Variants in CDH18 observed in about 807,000 individuals in gnomAD.
CDH18 encodes cadherin-18.
A neutral mutation model predicts 67.9 loss-of-function variants in CDH18; 31 were observed. The ratio of observed to expected loss-of-function variants is 0.46; its 90% confidence interval spans 0.34 to 0.62. The LOEUF (loss-of-function observed/expected upper bound fraction) is 0.62, where lower values mean the gene tolerates loss of function less well. CDH18 is among the 20% of genes least tolerant of loss of function. The pLI is 0.01. For synonymous variants in CDH18, 362 were observed against 347.2 expected, an observed-to-expected ratio of 1.04 and a Z score of -0.48; for missense variants, 890 against 975.5, an observed-to-expected ratio of 0.91 and a Z score of 1.17.
At chr5:19,968,525 C>T (rs1357053742) in intron 2 of CDH18, among the ~76,000 whole-genome samples, 3 of 151,636 alleles carry the variant, frequency 2.0e-5, no homozygotes, top group Admixed American at 6.6e-5. Flanking sequence ...ACAGAGCCCT[C>T]AGAAATAACG....
intron 3 of CDH18, among the ~76,000 whole-genome samples, chr5:19,784,708 T>A (rs1198404959): frequency 6.6e-6 from 1 of 152,176 alleles, no homozygotes; most frequent in Admixed American, 6.5e-5. Flanking sequence ...TAATCTTACT[T>A]CATTTTTTAG....
chr5:19,872,834 A>G (rs1415702646), intron 2 of CDH18, among the ~76,000 whole-genome samples: 1 of 152,216 alleles, frequency 6.6e-6, no homozygotes, highest in Non-Finnish European at 1.5e-5. Context: ...TCCCTCAAGT[A>G]TACAAGCCTA....
intron 1 of CDH18, chr5:20,305,209 C>A: frequency 7.2e-7 from 1 of 1,387,954 alleles, no homozygotes; most frequent in Non-Finnish European, 1.0e-6. Flanking sequence ...CAAAGGCTTC[C>A]CTCCAGCACC....
intron 2 of CDH18, among the ~76,000 whole-genome samples, chr5:20,147,049 T>A (rs1750702543): frequency 6.6e-6 from 1 of 152,146 alleles, no homozygotes; most frequent in Admixed American, 6.6e-5. Flanking sequence ...GTGGAGTTTG[T>A]AATAAAGTTG....
chr5:20,183,172 T>G (rs1164974299), intron 2 of CDH18, among the ~76,000 whole-genome samples: 2 of 151,440 alleles, frequency 1.3e-5, no homozygotes, highest in Non-Finnish European at 2.9e-5. Context: ...GTGTCTAGCA[T>G]AGAGCTAATT....
At chr5:19,621,808 T>C (rs1208923232) in intron 5 of CDH18, among the ~76,000 whole-genome samples, 2 of 152,156 alleles carry the variant, frequency 1.3e-5, no homozygotes, top group Non-Finnish European at 2.9e-5. Flanking sequence ...GTTTAAAAGG[T>C]AGTTCTCATT....
intron 5 of CDH18, among the ~76,000 whole-genome samples, chr5:19,689,666 A>G (rs1761587796): frequency 6.6e-6 from 1 of 151,908 alleles, no homozygotes; most frequent in Admixed American, 6.6e-5. Context: ...CAAAAAAACC[A>G]CCAAACCAAA....
At chr5:20,005,303 A>G (rs1266749568) in intron 2 of CDH18, among the ~76,000 whole-genome samples, 1 of 152,080 alleles carries the variant, frequency 6.6e-6, no homozygotes, top group Non-Finnish European at 1.5e-5. Flanking sequence ...CATTTACTGC[A>G]TAACTTGCCA....
At chr5:19,921,597 A>G (rs1386350180) in intron 2 of CDH18, among the ~76,000 whole-genome samples, 1 of 152,086 alleles carries the variant, frequency 6.6e-6, no homozygotes, top group Non-Finnish European at 1.5e-5. Flanking sequence ...ATCAAAGTCA[A>G]TTGTTAATTA....
chr5:20,262,294 A>C (rs1012209808), intron 1 of CDH18, among the ~76,000 whole-genome samples: 4 of 152,232 alleles, frequency 2.6e-5, no homozygotes, highest in Non-Finnish European at 4.4e-5. Context: ...ACAATAATTT[A>C]GTAGCCCTGG....
Position 20,144,750 on chromosome 5 carries a change from G to A in CDH18, c.-518+110694C>T, listed in dbSNP as rs1750509397. Among the ~76,000 whole-genome samples, 4 of 152,092 alleles carry A rather than the reference G, an allele frequency of 2.6e-5. No homozygotes were observed. In the South Asian group the frequency reaches 8.3e-4, roughly 31 times the overall value. The stretch of plus-strand genomic sequence containing the variant: ...AGTCAACGCCAGTAAGTCAAAATGT[G>A]ACTTTCTTTGAAGACAGGGTATTTA... On this transcript the variant is annotated intron_variant, in intron 2 of 14. Coordinates refer to the CDH18 transcript ENST00000507958.
At chr5:19,581,684 T>C (rs1743278596) in intron 7 of CDH18, among the ~76,000 whole-genome samples, 1 of 152,036 alleles carries the variant, frequency 6.6e-6, no homozygotes, top group Non-Finnish European at 1.5e-5. Flanking sequence ...AGGGTCGATA[T>C]CAACATTTTC....
At chr5:20,561,734 GAAAT>G (rs762002297) in intron 1 of CDH18, among the ~76,000 whole-genome samples, 1 of 151,706 alleles carries the variant, frequency 6.6e-6, no homozygotes, top group African/African-American at 2.4e-5. Flanking sequence ...TAAATCCTAA[GAAAT>G]AAAGTCTATT....
chr5:20,323,775 C>T (rs994044487), intron 1 of CDH18, among the ~76,000 whole-genome samples: 1 of 152,146 alleles, frequency 6.6e-6, no homozygotes, highest in Non-Finnish European at 1.5e-5. Flanking sequence ...CTGTTCTGAA[C>T]ATGTTTTGTT....
At chr5:20,476,412 G>A (rs73767545) in intron 1 of CDH18, among the ~76,000 whole-genome samples, 8,305 of 151,416 alleles carry the variant, frequency 0.055, 756 homozygotes, top group African/African-American at 0.19. Context: ...TGATGAGTCA[G>A]ATCTTGAAGA....
chr5:19,611,400 G>C (rs541568401), intron 6 of CDH18, among the ~76,000 whole-genome samples: 1 of 152,262 alleles, frequency 6.6e-6, no homozygotes, highest in South Asian at 2.1e-4. Flanking sequence ...TCTGCAACAG[G>C]AACTTCAGAG....
chr5:19,699,221 T>A (rs191978929), intron 5 of CDH18, among the ~76,000 whole-genome samples: 3 of 152,162 alleles, frequency 2.0e-5, no homozygotes, highest in African/African-American at 7.2e-5. Context: ...ATTACACTCA[T>A]ATTTTGCATT....
chr5:19,998,172 G>A (rs1219592219), intron 2 of CDH18, among the ~76,000 whole-genome samples: 3 of 152,086 alleles, frequency 2.0e-5, no homozygotes, highest in African/African-American at 7.2e-5. Flanking sequence ...CAAGCTTAGG[G>A]GAGTAAAATT....
At chr5:20,493,072 G>A (rs79689819) in intron 1 of CDH18, among the ~76,000 whole-genome samples, 4,312 of 152,056 alleles carry the variant, frequency 0.028, 72 homozygotes, top group Middle Eastern at 0.082. Context: ...TTTTTGGCCC[G>A]GGGTTGTGGC....
Sources: gnomAD v4.1 joint callset for allele counts (sites outside exome capture counted in the v4.1 genomes callset) on GRCh38, gnomAD v4.1.1 for gene constraint, MANE v1.5 for transcripts, NCBI Gene and HGNC (gene_info 2026-07-23, HGNC 2026-07-21) for gene names.